Variants in KDM6A observed in about 807,000 individuals in gnomAD.
KDM6A encodes lysine-specific demethylase 6A.
In KDM6A, 11 loss-of-function variants were observed where a neutral mutation model predicts 117.6. The observed-to-expected ratio is 0.09, with a 90% CI of 0.06 to 0.15. The LOEUF (loss-of-function observed/expected upper bound fraction) is 0.15. KDM6A is among the 10% of genes least tolerant of loss of function. KDM6A has a pLI of 1.00. For missense variants in KDM6A, 799 were observed against 1,077.3 expected (o/e 0.74, Z 3.62); for synonymous variants, 384 against 396.1 (o/e 0.97, Z 0.36).
intron 3 of KDM6A, among the ~76,000 whole-genome samples, chrX:44,967,298 A>T (rs1264290666): frequency 9.0e-6 from 1 of 111,539 alleles, no homozygotes; most frequent in African/African-American, 3.3e-5. Flanking sequence ...GTTTATAGAG[A>T]CATTTGTTAC....
At chrX:44,980,154 G>A (rs758435851) in intron 4 of KDM6A, among the ~76,000 whole-genome samples, 76 of 105,046 alleles carry the variant, frequency 7.2e-4, no homozygotes, top group Admixed American at 1.7e-3. Flanking sequence ...ACGCCACCAC[G>A]CCTGGCTAAT....
At chrX:44,923,746 T>A (rs1177432599) in intron 2 of KDM6A, among the ~76,000 whole-genome samples, 3 of 109,443 alleles carry the variant, frequency 2.7e-5, no homozygotes, top group Non-Finnish European at 5.7e-5. Flanking sequence ...TTTAAGACAG[T>A]CAGTCTCCCT....
intron 2 of KDM6A, among the ~76,000 whole-genome samples, chrX:44,924,648 G>GGTGT (rs112587323): frequency 0.15 from 13,328 of 90,283 alleles, 827 homozygotes; most frequent in Middle Eastern, 0.21. Flanking sequence ...GGTGGTCCTG[G>GGTGT]GTGTGTGTGT....
chrX:45,098,093 A>G (rs1467224903), intron 27 of KDM6A, among the ~76,000 whole-genome samples: 2 of 111,838 alleles, frequency 1.8e-5, no homozygotes, highest in African/African-American at 6.5e-5. Context: ...AATGAACTTA[A>G]TTTCTCCTTT....
At chrX:44,886,304 C>A (rs1034502958) in intron 2 of KDM6A, among the ~76,000 whole-genome samples, 1 of 110,418 alleles carries the variant, frequency 9.1e-6, no homozygotes, top group Non-Finnish European at 1.9e-5. Context: ...CGCCTTGGCC[C>A]CCCAAAGTGC....
At chrX:45,011,327 T>C (rs2041749013) in intron 5 of KDM6A, among the ~76,000 whole-genome samples, 1 of 111,464 alleles carries the variant, frequency 9.0e-6, no homozygotes, top group Non-Finnish European at 1.9e-5. Context: ...CCCCAAGTTA[T>C]TTGAACTGGT....
intron 27 of KDM6A, among the ~76,000 whole-genome samples, chrX:45,098,187 C>A (rs2046190489): frequency 8.9e-6 from 1 of 112,228 alleles, no homozygotes; most frequent in South Asian, 3.6e-4. Flanking sequence ...ACTTTTGTTG[C>A]TAAAAATTTC....
rs750255838 is a variant in KDM6A, at chrX:45,034,994, T to C, written c.619+9T>C. 1.8e-6 allele frequency: 2 copies of C among 1,141,468 alleles called. No individual in the cohort carries two copies. Among genetic ancestry groups the C allele is most frequent in the South Asian group, 1.8e-5 (1 of 55,367 alleles). 94.1% of individuals were successfully genotyped at this position (1,141,468 alleles called of 1,213,427 possible). ...TTTGTCCAATGCTGAAAGTAAGTAT[T>C]ATTAAGTACTGTAGTTTTCTACATG... On this transcript the variant is annotated intron_variant, in intron 7 of 29. Coordinates refer to ENST00000611820, the MANE Select transcript of KDM6A (RefSeq NM_001291415.2).
intron 1 of KDM6A, 87 bp from the exon 2 acceptor site, chrX:44,873,837 C>A: frequency 1.7e-6 from 2 of 1,152,721 alleles, no homozygotes; most frequent in South Asian, 3.7e-5. Context: ...CTCTTCGCGC[C>A]GCCTCCGCTG....
chrX:45,065,126 G>C (rs897659459), intron 17 of KDM6A, among the ~76,000 whole-genome samples: 1 of 112,087 alleles, frequency 8.9e-6, no homozygotes, highest in East Asian at 2.8e-4. Context: ...GGCAGGGAAG[G>C]CTTCTCTGAA....
At chrX:45,014,750 A>G (rs2041894618) in intron 5 of KDM6A, among the ~76,000 whole-genome samples, 1 of 112,014 alleles carries the variant, frequency 8.9e-6, no homozygotes. Context: ...GTACAATAGA[A>G]ATCATTCTTC....
intron 2 of KDM6A, among the ~76,000 whole-genome samples, chrX:44,878,782 A>G (rs1401626832): frequency 3.6e-5 from 4 of 110,063 alleles, no homozygotes; most frequent in Non-Finnish European, 7.6e-5. Flanking sequence ...AGTGCAGTAG[A>G]GTGATCTCGG....
chrX:44,992,978 G>A (rs1234315686), intron 4 of KDM6A, among the ~76,000 whole-genome samples: 1 of 112,199 alleles, frequency 8.9e-6, no homozygotes, highest in South Asian at 3.6e-4. Flanking sequence ...CTCCTGTCAT[G>A]ATTAGATAGC....
chrX:44,883,290 C>CT (rs1354873412), intron 2 of KDM6A, among the ~76,000 whole-genome samples: 2 of 110,528 alleles, frequency 1.8e-5, no homozygotes, highest in Admixed American at 1.9e-4. Flanking sequence ...AGACTGGTCT[C>CT]TAACTCCTGG....
At chrX:45,086,911 G>C (rs1286793330) in intron 25 of KDM6A, among the ~76,000 whole-genome samples, 1 of 112,177 alleles carries the variant, frequency 8.9e-6, no homozygotes, top group African/African-American at 3.2e-5. Context: ...CCAATTAAAG[G>C]GGGAAAACAC....
At chrX:44,996,650 A>G (rs2040874568) in intron 4 of KDM6A, among the ~76,000 whole-genome samples, 1 of 110,752 alleles carries the variant, frequency 9.0e-6, no homozygotes, top group South Asian at 3.9e-4. Context: ...CCAGAAGGTA[A>G]TTCAGACTAT....
intron 8 of KDM6A, 104 bp from the exon 9 acceptor site, chrX:45,051,605 T>C (rs2043854192): frequency 4.1e-6 from 2 of 486,095 alleles, no homozygotes; most frequent in Non-Finnish European, 7.0e-6. Context: ...CTTTTAGTTT[T>C]AAAAAATATG....
At chrX:44,879,406 C>T (rs181593293) in intron 2 of KDM6A, among the ~76,000 whole-genome samples, 5 of 112,049 alleles carry the variant, frequency 4.5e-5, no homozygotes, top group African/African-American at 1.6e-4. Flanking sequence ...CTGTTTAGGA[C>T]TCACATGTAT....
chrX:45,005,960 C>A (rs866213436), intron 4 of KDM6A, among the ~76,000 whole-genome samples: 1 of 47,100 alleles, frequency 2.1e-5, no homozygotes, highest in Non-Finnish European at 3.7e-5. Flanking sequence ...CTCACCCCCC[C>A]ACCCCCCCAC....
Sources: gnomAD v4.1 joint callset for allele counts (sites outside exome capture counted in the v4.1 genomes callset) on GRCh38, gnomAD v4.1.1 for gene constraint, MANE v1.5 for transcripts, NCBI Gene and HGNC (gene_info 2026-07-23, HGNC 2026-07-21) for gene names.